Variants in PARP1 observed in about 807,000 individuals in gnomAD.
PARP1 encodes poly [ADP-ribose] polymerase 1.
PARP1 carries 44 observed loss-of-function variants against 118.7 expected under a neutral mutation model. The ratio of observed to expected loss-of-function variants is 0.37; its 90% CI spans 0.29 to 0.48. The LOEUF is 0.48. Ranked by LOEUF, PARP1 falls within the 20% of genes least tolerant of loss-of-function variation. The pLI, the probability that PARP1 is intolerant of heterozygous loss-of-function variation, is 0.99. For missense variants in PARP1, 1,100 were observed against 1,272.4 expected, an observed-to-expected ratio of 0.86 and a Z score of 2.06; for synonymous variants, 492 against 483.2, an observed-to-expected ratio of 1.02 and a Z score of -0.24.
At chr1:226,393,194 T>TA (rs1241599090) in intron 2 of PARP1, among the ~76,000 whole-genome samples, 1 of 152,118 alleles carries the variant, frequency 6.6e-6, no homozygotes, top group Non-Finnish European at 1.5e-5. Flanking sequence ...ATACTAGCAA[T>TA]AAACATACTG....
intron 5 of PARP1, 60 bp downstream of exon 5, chr1:226,388,596 A>G (rs1390709924): frequency 8.4e-7 from 1 of 1,189,324 alleles, no homozygotes; most frequent in Non-Finnish European, 1.3e-6. Flanking sequence ...GTCTTCCCAG[A>G]ATGAGAAAGA....
chr1:226,387,225 C>T (rs1417736454), intron 5 of PARP1, among the ~76,000 whole-genome samples: 6 of 152,284 alleles, frequency 3.9e-5, no homozygotes, highest in East Asian at 3.9e-4. Context: ...TCAAGTGATC[C>T]GCCTGCCTCG....
chr1:226,374,177 T>C lies in PARP1; in HGVS notation c.2070+49A>G, dbSNP rs761481695. 3.7e-6 allele frequency: 6 copies of C among 1,608,902 alleles called. No individual in the cohort carries two copies. The Admixed American group carries it at 5.0e-5, about 13-fold the overall frequency. On this transcript the variant is annotated intron_variant, in intron 14 of 22. Coordinates refer to ENST00000366794, the MANE Select transcript of PARP1 (RefSeq NM_001618.4). ...GACAGCTCTTCACTAGCTCAGCAAA[T>C]AATCATCCACAGCAAATGCTCACAG...
chr1:226,394,653 C>G (rs1362055530), intron 2 of PARP1, among the ~76,000 whole-genome samples: 1 of 152,134 alleles, frequency 6.6e-6, no homozygotes, highest in Non-Finnish European at 1.5e-5. Flanking sequence ...GTAGCTCACG[C>G]TTGTAGTCCC....
rs753844331 is a variant in PARP1 at position 226,386,445 on chromosome 1, A to G, written c.718-3T>C. On this transcript the variant is annotated splice_region_variant and splice_polypyrimidine_tract_variant and intron_variant, in intron 5 of 22. Coordinates refer to ENST00000366794, the MANE Select transcript of PARP1 (RefSeq NM_001618.4). ...TTCCAGATCAGGTCGTTCTGAGCCT[A>G]TGGACAAGACCCAGTGGCTGAGAGG... 1 of 1,588,434 alleles carries G rather than the reference A, an allele frequency of 6.3e-7. No homozygotes were observed. Among genetic ancestry groups the G allele is most frequent in the African/African-American group, 1.3e-5 (1 of 74,478 alleles).
intron 8 of PARP1, 136 bp downstream of exon 8, chr1:226,382,900 C>G: frequency 1.0e-6 from 1 of 960,048 alleles, no homozygotes; most frequent in Non-Finnish European, 1.6e-6. Context: ...CCCTGCAGGG[C>G]AAGGCTTCCC....
In PARP1 at chr1:226,364,344, T is replaced by C. The variant is rs1450744822; in HGVS notation, c.2659-274A>G. The C allele has an allele frequency of 2.4e-5, 10 of 415,040 alleles. No individual in the cohort carries two copies. The East Asian group carries it at 2.7e-4, about 11-fold the overall frequency. 25.7% of individuals were successfully genotyped at this position (415,040 alleles called of 1,614,324 possible). A position where few individuals can be genotyped will look rare whatever the true frequency, so the allele number is the denominator to read the frequency against. On this transcript the variant is annotated intron_variant, in intron 19 of 22. Transcript: ENST00000366794. ...TTCTCAAATGGGGAACACAGTCTCA[T>C]GGAGCTGCCATGAGGACGGAATGAG...
chr1:226,389,758 T>C (rs183056925), intron 4 of PARP1, among the ~76,000 whole-genome samples: 1 of 152,260 alleles, frequency 6.6e-6, no homozygotes, highest in African/African-American at 2.4e-5. Context: ...GGTTGCCCAG[T>C]CACCGTTCAA....
intron 12 of PARP1, 86 bp downstream of exon 12, chr1:226,379,056 G>T: frequency 6.5e-7 from 1 of 1,529,074 alleles, no homozygotes; most frequent in Non-Finnish European, 9.1e-7. Flanking sequence ...GGGCCTAACG[G>T]GTTTCACAAG....
At position 226,365,642 on chromosome 1, in the gene PARP1, C is replaced by T. The variant is rs1664244484; in HGVS notation, c.2505+312G>A. 2.0e-5 allele frequency among the ~76,000 whole-genome samples: 3 copies of T among 152,176 alleles called. No homozygotes were observed. The South Asian group carries it at 6.2e-4, about 32-fold the overall frequency. Reference sequence around the variant, plus strand: ...ATTAGCAGAGTGTGGTGGCTCACGCCTGTAATCCCAGCTACTCTGGAGGCT... The same window carrying T: ...ATTAGCAGAGTGTGGTGGCTCACGCTTGTAATCCCAGCTACTCTGGAGGCT... On this transcript the variant is annotated intron_variant, in intron 18 of 22. Coordinates refer to ENST00000366794, the MANE Select transcript of PARP1 (RefSeq NM_001618.4).
At chr1:226,367,188 A>AAACG (rs1388151676) in intron 17 of PARP1, 12 of 451,368 alleles carry the variant, frequency 2.7e-5, no homozygotes, top group Admixed American at 2.4e-4. Flanking sequence ...ACAAACAAAC[A>AAACG]AAAAAGAACT....
intron 3 of PARP1, among the ~76,000 whole-genome samples, chr1:226,390,965 A>G (rs1380478528): frequency 6.6e-6 from 1 of 150,514 alleles, no homozygotes; most frequent in African/African-American, 2.4e-5. Flanking sequence ...GCAGAGCTAG[A>G]GCCTTGCACA....
intron 13 of PARP1, among the ~76,000 whole-genome samples, chr1:226,376,374 G>A (rs553875649): frequency 1.3e-5 from 2 of 152,260 alleles, no homozygotes; most frequent in African/African-American, 2.4e-5. Context: ...GTAAGGAGAC[G>A]CCCAAAACTA....
intron 5 of PARP1, among the ~76,000 whole-genome samples, chr1:226,387,787 AAG>A: frequency 6.6e-6 from 1 of 152,310 alleles, no homozygotes. Context: ...ACCACTAGGG[AAG>A]AGAGAAGGAC....
chr1:226,371,537 C>T (rs1202839239), intron 14 of PARP1, among the ~76,000 whole-genome samples: 1 of 152,214 alleles, frequency 6.6e-6, no homozygotes, highest in African/African-American at 2.4e-5. Context: ...GTACCCTCAA[C>T]ACTGCAAACT....
chr1:226,361,473 G>A lies in PARP1; in HGVS notation c.3032C>T (p.Thr1011Ile). 1 of 1,609,974 alleles carries A rather than the reference G, an allele frequency of 6.2e-7. No homozygotes were observed. The highest frequency in any genetic ancestry group is 1.1e-5 in the South Asian group (1 of 91,004). The part of the protein sequence containing the change: ...YLLKLKFNFK[T>I]SLW ...TACCTCTCCCAATTACCACAGGGAG[G>A]TCTTAAAATTGAATTTCAGTTTCAG... Residue 1011 changes from threonine to isoleucine, a missense_variant, in exon 23 of 23, where the codon ACC (threonine) becomes ATC (isoleucine). Thr to Ile is a moderately conservative substitution (Grantham distance 89). Around this residue, in one of 2 missense-constraint regions of PARP1, gnomAD observed 152 missense variants for 240.6 expected, o/e 0.63. Coordinates refer to ENST00000366794, the MANE Select transcript of PARP1 (RefSeq NM_001618.4).
At chr1:226,397,527 C>A (rs1350779257) in intron 2 of PARP1, among the ~76,000 whole-genome samples, 1 of 152,162 alleles carries the variant, frequency 6.6e-6, no homozygotes, top group Non-Finnish European at 1.5e-5. Flanking sequence ...AAATTATAAT[C>A]CCGAATGTTG....
chr1:226,373,231 C>A (rs1442214106), intron 14 of PARP1, among the ~76,000 whole-genome samples: 1 of 152,168 alleles, frequency 6.6e-6, no homozygotes. Flanking sequence ...AGAACGTGAG[C>A]GTGAAGGGAG....
At chr1:226,361,754 AGAG>A (rs1238931192) in intron 22 of PARP1, 2 of 664,656 alleles carry the variant, frequency 3.0e-6, no homozygotes, top group Non-Finnish European at 5.5e-6. Context: ...CAGACTGAGG[AGAG>A]GAGATCATCC....
Sources: allele counts gnomAD v4.1 joint callset (sites outside exome capture counted in the v4.1 genomes callset), GRCh38; gene constraint gnomAD v4.1.1; regional missense constraint gnomAD v4.1.1; transcripts MANE v1.5; gene names NCBI Gene and HGNC (gene_info 2026-07-23, HGNC 2026-07-21).